The following NTRK2 variants were observed in gnomAD, a reference collection of about 807,000 sequenced individuals.
NTRK2 encodes the protein BDNF/NT-3 growth factors receptor.
Under a neutral mutation model 94.5 loss-of-function variants are expected in NTRK2, and 13 were observed. That is an observed-to-expected ratio of 0.14 (90% confidence interval 0.09 to 0.22). NTRK2 has a LOEUF of 0.22. NTRK2 is among the 10% of genes least tolerant of loss of function. The probability of loss-of-function intolerance (pLI) is 1.00; values close to 1 mark genes in which losing one functional copy is unlikely to be tolerated. For missense variants in NTRK2, 639 were observed against 1,071.2 expected, an observed-to-expected ratio of 0.60 and a Z score of 5.63; for synonymous variants, 372 against 407.4, an observed-to-expected ratio of 0.91 and a Z score of 1.05.
At chr9:84,823,725 G>T (rs1365605921) in intron 12 of NTRK2, among the ~76,000 whole-genome samples, 1 of 152,160 alleles carries the variant, frequency 6.6e-6, no homozygotes, top group Non-Finnish European at 1.5e-5. Flanking sequence ...GGGTTTTTAT[G>T]TGAAATTTTC....
rs201748034 is a variant in NTRK2 at position 84,812,123 on chromosome 9, C to T, written c.1397-48917C>T. 9 of 1,059,092 alleles carry T rather than the reference C, an allele frequency of 8.5e-6. No homozygotes were observed. The South Asian group carries it at 4.1e-4, about 48-fold the overall frequency. The allele number at this position is 1,059,092 out of a possible 1,614,324, so 65.6% of individuals were successfully genotyped here. On this transcript the variant is annotated intron_variant, in intron 12 of 18. Coordinates refer to ENST00000277120, the MANE Select transcript of NTRK2 (RefSeq NM_006180.6). ...GCTTTAAGGTTCTATAGATTTTTAACTAGTCCAACACAGTCAGAAACATTG... is the reference window on the plus strand; with the variant it reads ...GCTTTAAGGTTCTATAGATTTTTAATTAGTCCAACACAGTCAGAAACATTG...
intron 18 of NTRK2, 112 bp downstream of exon 18, chr9:85,020,476 C>A: frequency 8.9e-7 from 1 of 1,117,752 alleles, no homozygotes; most frequent in Non-Finnish European, 1.4e-6. Context: ...ATCTTATGGG[C>A]TTTGTTGGTG....
chr9:84,695,652 T>A (rs920138009), intron 2 of NTRK2, among the ~76,000 whole-genome samples: 2 of 152,220 alleles, frequency 1.3e-5, no homozygotes, highest in Admixed American at 6.5e-5. Flanking sequence ...GTGTTTATGT[T>A]CTAATTCTTT....
intron 17 of NTRK2, among the ~76,000 whole-genome samples, chr9:84,967,116 T>G (rs1825648435): frequency 6.6e-6 from 1 of 152,212 alleles, no homozygotes; most frequent in Non-Finnish European, 1.5e-5. Flanking sequence ...TGAGGCTCTC[T>G]TCTCTCATCC....
chr9:85,015,968 A>G (rs1832180487), intron 17 of NTRK2, among the ~76,000 whole-genome samples: 2 of 152,204 alleles, frequency 1.3e-5, no homozygotes, highest in African/African-American at 2.4e-5. Flanking sequence ...GGCTTTAGGT[A>G]AACTACTTAA....
chr9:84,811,933 CT>C, intron 12 of NTRK2: 1 of 629,764 alleles, frequency 1.6e-6, no homozygotes, highest in Non-Finnish European at 2.0e-6. Flanking sequence ...CACCCTGTTC[CT>C]TTTTTATCAG....
intron 12 of NTRK2, chr9:84,810,878 A>G (rs2071703294): frequency 4.8e-6 from 6 of 1,259,480 alleles, no homozygotes; most frequent in Non-Finnish European, 5.0e-6. Context: ...AACTGAAATG[A>G]AATCCCATTG....
chr9:84,874,472 G>T, intron 14 of NTRK2: 1 of 1,065,984 alleles, frequency 9.4e-7, no homozygotes, highest in Non-Finnish European at 1.1e-6. Context: ...GTCATGCCAG[G>T]TCTCCTTCCT....
chr9:84,848,934 T>C (rs1000295351), intron 12 of NTRK2, among the ~76,000 whole-genome samples: 1 of 152,236 alleles, frequency 6.6e-6, no homozygotes, highest in Non-Finnish European at 1.5e-5. Context: ...TGACTTTTTA[T>C]AAACTTCTTG....
At chr9:84,728,165 A>G (rs2132086781) in intron 9 of NTRK2, among the ~76,000 whole-genome samples, 1 of 152,320 alleles carries the variant, frequency 6.6e-6, no homozygotes, top group Non-Finnish European at 1.5e-5. Flanking sequence ...CAGCAGCTAC[A>G]TAGGAGATGT....
chr9:85,009,420 TC>T (rs1831323698), intron 17 of NTRK2, among the ~76,000 whole-genome samples: 1 of 152,166 alleles, frequency 6.6e-6, no homozygotes, highest in Non-Finnish European at 1.5e-5. Flanking sequence ...TACAGTGACT[TC>T]CCTAACACTG....
chr9:84,737,839 T>C (rs1039850679), intron 9 of NTRK2, among the ~76,000 whole-genome samples: 3 of 151,552 alleles, frequency 2.0e-5, no homozygotes, highest in South Asian at 2.1e-4. Context: ...CACTTCAGGC[T>C]GTACCGTGGA....
At chr9:84,745,574 C>T (rs1224232098) in intron 11 of NTRK2, among the ~76,000 whole-genome samples, 1 of 152,140 alleles carries the variant, frequency 6.6e-6, no homozygotes, top group Non-Finnish European at 1.5e-5. Flanking sequence ...CAGAGCAAGG[C>T]AGTACAAGAG....
intron 5 of NTRK2, among the ~76,000 whole-genome samples, chr9:84,710,250 A>G (rs2061349195): frequency 6.6e-6 from 1 of 152,230 alleles, no homozygotes; most frequent in South Asian, 2.1e-4. Context: ...GGTCAGAAAT[A>G]AGTATGTTAG....
At chr9:84,773,958 G>C (rs2066793662) in intron 12 of NTRK2, among the ~76,000 whole-genome samples, 1 of 152,132 alleles carries the variant, frequency 6.6e-6, no homozygotes, top group South Asian at 2.1e-4. Flanking sequence ...GGGAGATTTT[G>C]CTGATCTGCC....
intron 14 of NTRK2, among the ~76,000 whole-genome samples, chr9:84,870,335 A>ATATG (rs1564411350): frequency 0.061 from 2,522 of 41,598 alleles, 207 homozygotes; most frequent in African/African-American, 0.18. Context: ...GTGTGTGTAT[A>ATATG]TATATATATA....
intron 14 of NTRK2, among the ~76,000 whole-genome samples, chr9:84,926,161 C>CTTTCTTT (rs2077782785): frequency 5.3e-4 from 34 of 63,826 alleles, no homozygotes; most frequent in East Asian, 8.5e-4. Flanking sequence ...TTCCTTCCTT[C>CTTTCTTT]CTTCCTTCCT....
At chr9:84,706,527 G>GTTTTTTTTTTTTTTTT (rs71369141) in intron 4 of NTRK2, among the ~76,000 whole-genome samples, 5 of 81,672 alleles carry the variant, frequency 6.1e-5, no homozygotes, top group Non-Finnish European at 8.6e-5. Flanking sequence ...TTTTGTTTTT[G>GTTTTTTTTTTTTTTTT]TTTTTTTTTT....
chr9:84,673,318 A>G (rs903984881), intron 2 of NTRK2, among the ~76,000 whole-genome samples: 5 of 152,148 alleles, frequency 3.3e-5, no homozygotes, highest in African/African-American at 1.2e-4. Flanking sequence ...TTTCTTACAT[A>G]TTAATATTTG....
Sources: allele counts gnomAD v4.1 joint callset (sites outside exome capture counted in the v4.1 genomes callset), GRCh38; gene constraint gnomAD v4.1.1; transcripts MANE v1.5; gene names NCBI Gene and HGNC (gene_info 2026-07-23, HGNC 2026-07-21).